SNTG1: variants seen among roughly 807,000 people sequenced by gnomAD.
SNTG1 encodes the protein syntrophin gamma 1.
In SNTG1, 39 loss-of-function variants were observed where a neutral mutation model predicts 74.7. That is an observed-to-expected ratio of 0.52 (90% CI 0.40 to 0.68). The LOEUF (loss-of-function observed/expected upper bound fraction) is 0.68. Ranked by LOEUF, SNTG1 falls within the 30% of genes least tolerant of loss-of-function variation. The pLI is 0.00. For missense variants in SNTG1, 685 were observed against 609.5 expected (o/e 1.12, Z -1.30); for synonymous variants, 254 against 217.1 (o/e 1.17, Z -1.49).
intron 12 of SNTG1, among the ~76,000 whole-genome samples, chr8:50,590,303 T>C (rs1363698545): frequency 1.3e-5 from 2 of 152,148 alleles, no homozygotes; most frequent in African/African-American, 2.4e-5. Flanking sequence ...TGTTCATTTT[T>C]ATTAGGTTTT....
Position 50,496,623 on chromosome 8 carries a change from T to C in SNTG1, c.364-6155T>C, listed in dbSNP as rs1416254957. Among the ~76,000 whole-genome samples, 3 of 152,212 alleles carry C rather than the reference T, an allele frequency of 2.0e-5. No homozygotes were observed. In the East Asian group the frequency reaches 5.8e-4, roughly 29 times the overall value. On this transcript the variant is annotated intron_variant, in intron 8 of 18. Transcript: ENST00000642720. ...ATGGAACTTAAGAGCTTTCAGTTCATGAACTGAGTCATTAGATTTGTAGTG... is the reference window on the plus strand; with the variant it reads ...ATGGAACTTAAGAGCTTTCAGTTCACGAACTGAGTCATTAGATTTGTAGTG...
chr8:50,250,257 C>A (rs1191601060), intron 2 of SNTG1, among the ~76,000 whole-genome samples: 1 of 148,672 alleles, frequency 6.7e-6, no homozygotes, highest in African/African-American at 2.5e-5. Flanking sequence ...TTGAAATAAC[C>A]CTATCAGAAA....
At chr8:50,534,849 T>C (rs762678108) in intron 10 of SNTG1, among the ~76,000 whole-genome samples, 2 of 152,168 alleles carry the variant, frequency 1.3e-5, no homozygotes, top group African/African-American at 2.4e-5. Flanking sequence ...TTTTCAAAGA[T>C]GTTGCAAGTG....
chr8:50,561,198 C>T (rs1364741490), intron 12 of SNTG1, among the ~76,000 whole-genome samples: 1 of 151,980 alleles, frequency 6.6e-6, no homozygotes, highest in Non-Finnish European at 1.5e-5. Flanking sequence ...TGGCAGTTCC[C>T]CCTTTGCTGT....
chr8:49,944,888 A>G (rs975473321), intron 1 of SNTG1, among the ~76,000 whole-genome samples: 4 of 151,836 alleles, frequency 2.6e-5, no homozygotes, highest in Non-Finnish European at 5.9e-5. Context: ...CCCGGGCTCA[A>G]GCGATTCTCT....
chr8:50,681,032 A>G (rs1253006086), intron 15 of SNTG1, among the ~76,000 whole-genome samples: 2 of 152,190 alleles, frequency 1.3e-5, no homozygotes, highest in African/African-American at 2.4e-5. Context: ...TCAAGTAAAA[A>G]AAAGTCATAC....
intron 13 of SNTG1, among the ~76,000 whole-genome samples, chr8:50,632,506 T>C (rs1298818201): frequency 6.6e-6 from 1 of 151,874 alleles, no homozygotes; most frequent in African/African-American, 2.4e-5. Flanking sequence ...GACAGGGTTT[T>C]GCCATGTTGG....
At chr8:50,304,040 C>T (rs2089770867) in intron 2 of SNTG1, among the ~76,000 whole-genome samples, 1 of 152,030 alleles carries the variant, frequency 6.6e-6, no homozygotes, top group South Asian at 2.1e-4. Flanking sequence ...ATGTCCACTC[C>T]AAAACTCATG....
At chr8:49,931,790 G>A (rs1037811770) in intron 1 of SNTG1, among the ~76,000 whole-genome samples, 1 of 152,048 alleles carries the variant, frequency 6.6e-6, no homozygotes, top group African/African-American at 2.4e-5. Context: ...GATACAAAAG[G>A]AAAAGAACAC....
At chr8:50,594,631 G>A (rs1267506210) in intron 13 of SNTG1, among the ~76,000 whole-genome samples, 4 of 152,054 alleles carry the variant, frequency 2.6e-5, no homozygotes, top group African/African-American at 9.7e-5. Flanking sequence ...AAAGTGACTA[G>A]AGTCACTAGT....
chr8:50,782,106 A>T (rs149899343), intron 18 of SNTG1, among the ~76,000 whole-genome samples: 2,524 of 152,280 alleles, frequency 0.017, 40 homozygotes, highest in Middle Eastern at 0.034. Flanking sequence ...CTTTGTGGCT[A>T]ACCCGACCTT....
intron 2 of SNTG1, among the ~76,000 whole-genome samples, chr8:50,340,649 G>C (rs1178877479): frequency 6.6e-6 from 1 of 151,882 alleles, no homozygotes; most frequent in East Asian, 1.9e-4. Context: ...AGAATATCTA[G>C]ATGAACTTAA....
In SNTG1 at chr8:50,634,973, A is replaced by G. The variant is rs2095029375; in HGVS notation, c.850-21936A>G. ...GACAGCCGCAGTCTGTACCTTTGGG[A>G]TTGGTCTACCACAGTAGACCTGTGG... On this transcript the variant is annotated intron_variant, in intron 13 of 18. Transcript: ENST00000642720. 1.3e-5 allele frequency among the ~76,000 whole-genome samples: 2 copies of G among 152,062 alleles called. 1 individual carries two copies. Among genetic ancestry groups the G allele is most frequent in the Non-Finnish European group, 2.9e-5 (2 of 68,018 alleles).
chr8:50,691,226 T>C (rs2095377496), intron 15 of SNTG1, among the ~76,000 whole-genome samples: 1 of 152,214 alleles, frequency 6.6e-6, no homozygotes, highest in Non-Finnish European at 1.5e-5. Flanking sequence ...TGTCTTTCAA[T>C]TGGAGCATTT....
chr8:50,333,186 C>T (rs1384436546), intron 2 of SNTG1, among the ~76,000 whole-genome samples: 5 of 152,172 alleles, frequency 3.3e-5, no homozygotes, highest in South Asian at 2.1e-4. Context: ...TGTGTGACTT[C>T]GATACAATAA....
intron 2 of SNTG1, among the ~76,000 whole-genome samples, chr8:50,237,963 C>A (rs746144581): frequency 1.3e-5 from 2 of 152,024 alleles, no homozygotes; most frequent in Admixed American, 6.6e-5. Flanking sequence ...TAGAATGATA[C>A]AACTTTTTGT....
chr8:50,761,944 C>A (rs976868113), intron 18 of SNTG1, among the ~76,000 whole-genome samples: 3 of 151,876 alleles, frequency 2.0e-5, no homozygotes, highest in Non-Finnish European at 4.4e-5. Flanking sequence ...AAATGCCTTT[C>A]AATAAGTAAA....
intron 1 of SNTG1, among the ~76,000 whole-genome samples, chr8:50,142,095 T>C (rs1320618369): frequency 1.3e-5 from 2 of 152,160 alleles, no homozygotes; most frequent in Non-Finnish European, 2.9e-5. Context: ...ATTGTGTATG[T>C]TTGTAGGTTT....
intron 18 of SNTG1, among the ~76,000 whole-genome samples, chr8:50,760,273 A>G (rs1245481263): frequency 6.6e-6 from 1 of 152,050 alleles, no homozygotes; most frequent in African/African-American, 2.4e-5. Context: ...TAAATATACA[A>G]TCATGTCATC....
Sources: gnomAD v4.1 joint callset for allele counts (sites outside exome capture counted in the v4.1 genomes callset) on GRCh38, gnomAD v4.1.1 for gene constraint, MANE v1.5 for transcripts, NCBI Gene and HGNC (gene_info 2026-07-23, HGNC 2026-07-21) for gene names.